Variants in GPR137C observed in about 807,000 individuals in gnomAD.
The protein encoded by GPR137C is G protein-coupled receptor 137C.
In GPR137C, 27 loss-of-function variants were observed where a neutral mutation model predicts 43.4. The ratio of observed to expected loss-of-function variants is 0.62; its 90% CI spans 0.46 to 0.86. The LOEUF (loss-of-function observed/expected upper bound fraction) is 0.86. Among genes scored for constraint, GPR137C ranks in the 40% least tolerant of loss-of-function variants. The pLI is 0.00. For synonymous variants in GPR137C, 285 were observed against 226.9 expected (o/e 1.26, Z -2.30); for missense variants, 522 against 534.6 (o/e 0.98, Z 0.23).
At chr14:52,617,627 C>T (rs1594804833) in intron 3 of GPR137C, among the ~76,000 whole-genome samples, 3 of 152,148 alleles carry the variant, frequency 2.0e-5, no homozygotes, top group Middle Eastern at 3.4e-3. Context: ...TGCAGTGAGC[C>T]GAGATTGTAC....
At position 52,553,408 on chromosome 14, in the gene GPR137C, C is replaced by T. The variant is rs201058157; in HGVS notation, c.261C>T (p.Phe87=). ...RRLSYQSLCL[F]LCLLWAALRT... is the part of the protein sequence containing the mutation. Reference sequence around the variant, plus strand: ...TGAGTTACCAGAGCCTCTGCCTCTTCCTCTGTCTCCTGTGGGCAGCGCTCA... The same window carrying T: ...TGAGTTACCAGAGCCTCTGCCTCTTTCTCTGTCTCCTGTGGGCAGCGCTCA... The change falls in exon 1 of 7, where the codon TTC becomes TTT. Residue 87 remains phenylalanine (F), a synonymous_variant. Coordinates refer to ENST00000321662, the MANE Select transcript of GPR137C (RefSeq NM_001099652.2). 60 of 1,608,484 alleles carry T rather than the reference C, an allele frequency of 3.7e-5. No homozygotes were observed. In the East Asian group the frequency reaches 1.1e-3, roughly 30 times the overall value.
rs770590092 is a variant in GPR137C, at chr14:52,600,289, A to T, written c.665A>T (p.Tyr222Phe). 2 of 1,613,070 alleles carry T rather than the reference A, an allele frequency of 1.2e-6. No homozygotes were observed. The highest frequency in any genetic ancestry group is 4.5e-5 in the East Asian group (2 of 44,846). Residue 222 changes from tyrosine to phenylalanine, a missense_variant, in exon 3 of 7, where the codon TAC becomes TTC. Tyr to Phe is a conservative substitution (Grantham distance 22). Around this residue, in one of 3 missense-constraint regions of GPR137C, gnomAD observed 437 missense variants for 425.7 expected, o/e 1.03. Coordinates refer to ENST00000321662, the MANE Select transcript of GPR137C (RefSeq NM_001099652.2). ...CTTTGTGCCATCTCTTTAGTGTGTT[A>T]CATATGCAAAATTACAAAAATGTCA... ...FILCAISLVC[Y>F]ICKITKMSSA...
At chr14:52,630,081 A>G (rs2039277401) in intron 3 of GPR137C, among the ~76,000 whole-genome samples, 1 of 152,030 alleles carries the variant, frequency 6.6e-6, no homozygotes, top group Non-Finnish European at 1.5e-5. Flanking sequence ...TCATTTTGTA[A>G]TCCTGTATTT....
At chr14:52,629,772 T>G (rs536272528) in intron 3 of GPR137C, among the ~76,000 whole-genome samples, 1 of 152,192 alleles carries the variant, frequency 6.6e-6, no homozygotes, top group South Asian at 2.1e-4. Context: ...GTGTATACAT[T>G]TGTCAAAACT....
chr14:52,571,976 CAAAT>C (rs1041815872), intron 1 of GPR137C, among the ~76,000 whole-genome samples: 44 of 152,246 alleles, frequency 2.9e-4, no homozygotes, highest in African/African-American at 1.0e-3. Flanking sequence ...CACCTGTACA[CAAAT>C]AAACTAGAAT....
chr14:52,554,235 G>T (rs1242294807), intron 1 of GPR137C, among the ~76,000 whole-genome samples: 1 of 152,150 alleles, frequency 6.6e-6, no homozygotes, highest in East Asian at 1.9e-4. Context: ...TGCCCCAGTT[G>T]CTTCGTGCTT....
At chr14:52,554,932 G>A (rs947513194) in intron 1 of GPR137C, among the ~76,000 whole-genome samples, 1 of 151,906 alleles carries the variant, frequency 6.6e-6, no homozygotes, top group Non-Finnish European at 1.5e-5. Context: ...TGACAAAAAC[G>A]CAAACCAGTA....
At chr14:52,553,895 GT>G (rs2038145372) in intron 1 of GPR137C, among the ~76,000 whole-genome samples, 1 of 152,194 alleles carries the variant, frequency 6.6e-6, no homozygotes, top group Admixed American at 6.5e-5. Context: ...GAGGTAAGGC[GT>G]TGGTGGCACC....
At chr14:52,612,446 T>G (rs1355617876) in intron 3 of GPR137C, 2 of 982,862 alleles carry the variant, frequency 2.0e-6, no homozygotes, top group East Asian at 1.1e-4. Context: ...AAAATCAGTT[T>G]TGTTTTGCTT....
Position 52,600,331 on chromosome 14 carries a change from T to G in GPR137C, c.707T>G (p.Leu236Arg). ...AAAATGTCATCAGCTAATGTCTACC[T>G]CGAATCAAAGGTAAGAATATTTCTT... The part of the protein sequence containing the change: ...ITKMSSANVY[L>R]ESKGMSLCQT... Residue 236 changes from leucine to arginine, a missense_variant, in exon 3 of 7, where the codon CTC (leucine) becomes CGC (arginine). Leu to Arg is a moderately radical substitution (Grantham distance 102). This residue lies in a region of GPR137C where 437 missense variants were observed against 425.7 expected (regional missense o/e 1.03). Transcript: ENST00000321662. 1 of 1,568,288 alleles carries G rather than the reference T, an allele frequency of 6.4e-7. No individual in the cohort carries two copies. The highest frequency in any genetic ancestry group is 8.8e-7 in the Non-Finnish European group (1 of 1,141,980).
intron 1 of GPR137C, among the ~76,000 whole-genome samples, chr14:52,576,310 G>T (rs1036645803): frequency 6.6e-6 from 1 of 152,106 alleles, no homozygotes; most frequent in African/African-American, 2.4e-5. Flanking sequence ...TTTCATACTC[G>T]TTATAGCTGA....
At chr14:52,603,717 T>C (rs1347686686) in intron 3 of GPR137C, among the ~76,000 whole-genome samples, 1 of 152,060 alleles carries the variant, frequency 6.6e-6, no homozygotes, top group African/African-American at 2.4e-5. Flanking sequence ...TTTTGTGTTA[T>C]TAGTAGAGAC....
intron 1 of GPR137C, among the ~76,000 whole-genome samples, chr14:52,555,907 A>G (rs1440097558): frequency 6.6e-6 from 1 of 152,180 alleles, no homozygotes; most frequent in Non-Finnish European, 1.5e-5. Flanking sequence ...TTCATTAGAG[A>G]AAATCTCCAG....
At chr14:52,569,922 T>C (rs2038438570) in intron 1 of GPR137C, among the ~76,000 whole-genome samples, 1 of 152,074 alleles carries the variant, frequency 6.6e-6, no homozygotes, top group African/African-American at 2.4e-5. Context: ...GAAAACACTC[T>C]TCAGGATATT....
intron 3 of GPR137C, among the ~76,000 whole-genome samples, chr14:52,620,449 A>T (rs1311785313): frequency 6.6e-6 from 1 of 152,096 alleles, no homozygotes; most frequent in Non-Finnish European, 1.5e-5. Flanking sequence ...TGTTTGCTAA[A>T]ATAATTAAAA....
chr14:52,599,731 G>C (rs1382211785), intron 2 of GPR137C, among the ~76,000 whole-genome samples: 2 of 152,120 alleles, frequency 1.3e-5, no homozygotes, highest in African/African-American at 2.4e-5. Flanking sequence ...GCCATGCCTG[G>C]CCTAACTCTT....
chr14:52,600,317 A>G lies in GPR137C; in HGVS notation c.693A>G (p.Ser231=), dbSNP rs771884771. The change falls in exon 3 of 7, where the codon TCA becomes TCG. Residue 231 remains serine (S), a synonymous_variant. Transcript: ENST00000321662. ...CYICKITKMS[S]ANVYLESKGM... is the part of the protein sequence containing the mutation. The stretch of plus-strand genomic sequence containing the variant: ...TATGCAAAATTACAAAAATGTCATC[A>G]GCTAATGTCTACCTCGAATCAAAGG... 5 of 1,599,876 alleles carry G rather than the reference A, an allele frequency of 3.1e-6. No homozygotes were observed. The highest frequency in any genetic ancestry group is 1.3e-5 in the African/African-American group (1 of 74,712).
chr14:52,577,964 C>CA (rs1176279515), intron 1 of GPR137C, among the ~76,000 whole-genome samples: 4 of 150,814 alleles, frequency 2.7e-5, no homozygotes, highest in Admixed American at 6.6e-5. Flanking sequence ...GACCCTGTCT[C>CA]AAAAAAAAGC....
chr14:52,565,535 G>A (rs1450355069), intron 1 of GPR137C, among the ~76,000 whole-genome samples: 2 of 152,144 alleles, frequency 1.3e-5, no homozygotes, highest in Non-Finnish European at 2.9e-5. Flanking sequence ...CTTTAGATCA[G>A]CCACTATTTT....
Sources: gnomAD v4.1 joint callset for allele counts (sites outside exome capture counted in the v4.1 genomes callset) on GRCh38, gnomAD v4.1.1 for gene constraint, gnomAD v4.1.1 regional missense constraint, MANE v1.5 for transcripts, NCBI Gene and HGNC (gene_info 2026-07-23, HGNC 2026-07-21) for gene names.